MAN1A2: variants seen among roughly 807,000 people sequenced by gnomAD.
MAN1A2 encodes mannosidase alpha class 1A member 2.
A neutral mutation model predicts 75.7 loss-of-function variants in MAN1A2; 26 were observed. The observed-to-expected ratio is 0.34, with a 90% CI of 0.25 to 0.48. MAN1A2 has a LOEUF of 0.48. MAN1A2 is among the 20% of genes least tolerant of loss of function. The probability of loss-of-function intolerance (pLI) is 0.99; values close to 1 mark genes in which losing one functional copy is unlikely to be tolerated. For missense variants in MAN1A2, 562 were observed against 775.5 expected (o/e 0.72, Z 3.27); for synonymous variants, 247 against 264.6 (o/e 0.93, Z 0.65).
intron 12 of MAN1A2, among the ~76,000 whole-genome samples, chr1:117,520,430 T>A (rs1031995683): frequency 2.0e-5 from 3 of 152,020 alleles, no homozygotes; most frequent in African/African-American, 7.2e-5. Context: ...TCAAGACTCC[T>A]CTAGAGAGCT....
At chr1:117,429,702 A>G (rs1385940960) in intron 5 of MAN1A2, among the ~76,000 whole-genome samples, 7 of 75,372 alleles carry the variant, frequency 9.3e-5, no homozygotes, top group Admixed American at 2.8e-4. Flanking sequence ...CTGGCCGGGC[A>G]GGGGGGCTGA....
intron 1 of MAN1A2, among the ~76,000 whole-genome samples, chr1:117,375,987 C>T (rs1653125181): frequency 6.6e-6 from 1 of 151,190 alleles, no homozygotes; most frequent in Admixed American, 6.6e-5. Context: ...TCTCGGCTCA[C>T]TGCAAGCTCC....
chr1:117,401,473 TG>T (rs1415814834), intron 1 of MAN1A2, among the ~76,000 whole-genome samples: 1 of 152,110 alleles, frequency 6.6e-6, no homozygotes, highest in Non-Finnish European at 1.5e-5. Context: ...TCCTGTGGAT[TG>T]GGGTGGATAT....
intron 1 of MAN1A2, among the ~76,000 whole-genome samples, chr1:117,386,918 AAAAC>A (rs1366782822): frequency 8.5e-5 from 13 of 152,224 alleles, no homozygotes; most frequent in South Asian, 6.2e-4. Context: ...CTCTAAAAAG[AAAAC>A]AAACAAACAA....
intron 12 of MAN1A2, chr1:117,515,727 A>ACAAATATGG (rs1651695906): frequency 6.6e-6 from 1 of 152,554 alleles, no homozygotes; most frequent in South Asian, 2.1e-4. Flanking sequence ...CCATAAAAAG[A>ACAAATATGG]CAAATATGGG....
chr1:117,519,273 A>G (rs1651803483), intron 12 of MAN1A2, among the ~76,000 whole-genome samples: 1 of 152,110 alleles, frequency 6.6e-6, no homozygotes, highest in African/African-American at 2.4e-5. Context: ...TCACACCTCA[A>G]AGAACTAGAG....
At chr1:117,392,924 C>A (rs1194430670) in intron 1 of MAN1A2, among the ~76,000 whole-genome samples, 1 of 152,102 alleles carries the variant, frequency 6.6e-6, no homozygotes, top group Non-Finnish European at 1.5e-5. Context: ...CAGTGCTTAG[C>A]CTTAAATCTT....
chr1:117,491,884 A>G (rs1280025823), intron 8 of MAN1A2, among the ~76,000 whole-genome samples: 2 of 152,058 alleles, frequency 1.3e-5, no homozygotes, highest in Admixed American at 1.3e-4. Flanking sequence ...TGGAAATAGC[A>G]AGAGAACCAG....
At chr1:117,382,879 G>A (rs1653398553) in intron 1 of MAN1A2, among the ~76,000 whole-genome samples, 2 of 152,086 alleles carry the variant, frequency 1.3e-5, no homozygotes, top group South Asian at 4.1e-4. Context: ...TAGTGTTGAT[G>A]TTATGCACTA....
chr1:117,499,805 G>A (rs868312775), intron 11 of MAN1A2, among the ~76,000 whole-genome samples: 2 of 149,822 alleles, frequency 1.3e-5, no homozygotes, highest in African/African-American at 2.4e-5. Context: ...ATTTTTAATG[G>A]TTAGTTAAGT....
At chr1:117,454,206 A>G (rs1232120735) in intron 6 of MAN1A2, among the ~76,000 whole-genome samples, 1 of 152,212 alleles carries the variant, frequency 6.6e-6, no homozygotes, top group East Asian at 1.9e-4. Flanking sequence ...AACCAGGCCC[A>G]TAATATCTCT....
At chr1:117,426,699 T>C (rs1016514253) in intron 5 of MAN1A2, among the ~76,000 whole-genome samples, 4 of 152,196 alleles carry the variant, frequency 2.6e-5, no homozygotes, top group Admixed American at 2.6e-4. Flanking sequence ...ACTTGAAGTA[T>C]AGTTACTACT....
intron 6 of MAN1A2, among the ~76,000 whole-genome samples, chr1:117,449,470 G>T (rs913030481): frequency 4.6e-5 from 7 of 150,842 alleles, no homozygotes; most frequent in African/African-American, 1.5e-4. Flanking sequence ...AAGGTGGGAG[G>T]ATTGCTTGAG....
intron 4 of MAN1A2, among the ~76,000 whole-genome samples, chr1:117,417,970 C>A (rs1231182645): frequency 2.6e-5 from 4 of 151,794 alleles, no homozygotes; most frequent in Admixed American, 2.6e-4. Flanking sequence ...TGCTTGAGCC[C>A]AGGAGGTTGA....
At chr1:117,508,955 T>C (rs1035317322) in intron 12 of MAN1A2, among the ~76,000 whole-genome samples, 7 of 151,624 alleles carry the variant, frequency 4.6e-5, no homozygotes, top group Non-Finnish European at 3.0e-5. Context: ...CACTGCTAAG[T>C]ACCAAAACTA....
chr1:117,508,017 C>G (rs1052238826), intron 12 of MAN1A2, among the ~76,000 whole-genome samples: 3 of 151,658 alleles, frequency 2.0e-5, no homozygotes, highest in Non-Finnish European at 4.4e-5. Context: ...GAATGAATAT[C>G]TCCCACGTGG....
At chr1:117,393,610 T>A (rs1263605145) in intron 1 of MAN1A2, among the ~76,000 whole-genome samples, 1 of 152,174 alleles carries the variant, frequency 6.6e-6, no homozygotes, top group Non-Finnish European at 1.5e-5. Flanking sequence ...TATTGGCCAT[T>A]GTTACTTATC....
intron 8 of MAN1A2, among the ~76,000 whole-genome samples, chr1:117,474,015 G>A (rs1488208978): frequency 6.6e-6 from 1 of 151,844 alleles, no homozygotes; most frequent in Non-Finnish European, 1.5e-5. Context: ...TGGTGAAAAC[G>A]GTAAATTTGG....
rs986355181 is a variant in MAN1A2, at chr1:117,494,463, A to G, written c.1284+1201A>G. 8 of 152,208 alleles carry G rather than the reference A, an allele frequency of 5.3e-5. No homozygotes were observed. The East Asian group carries it at 1.6e-3, about 30-fold the overall frequency. The allele number at this position is 152,208 out of a possible 1,614,324, so 9.4% of individuals were successfully genotyped here. ...TAGTCAGTAATTAGTTGTCAGAGTT[A>G]TAATTTCTGTTTGGTTTGTTTTTTT... On this transcript the variant is annotated intron_variant, in intron 9 of 12. Coordinates refer to ENST00000356554, the MANE Select transcript of MAN1A2 (RefSeq NM_006699.5).
Sources: gnomAD v4.1 joint callset for allele counts (sites outside exome capture counted in the v4.1 genomes callset) on GRCh38, gnomAD v4.1.1 for gene constraint, MANE v1.5 for transcripts, NCBI Gene and HGNC (gene_info 2026-07-23, HGNC 2026-07-21) for gene names.